Variants in RIN2 observed in about 807,000 individuals in gnomAD.
The protein encoded by RIN2 is RAB5 interacting protein 2.
A neutral mutation model predicts 78.0 loss-of-function variants in RIN2; 36 were observed. The ratio of observed to expected loss-of-function variants is 0.46; its 90% CI spans 0.35 to 0.61. The LOEUF is 0.61. RIN2 is among the 20% of genes least tolerant of loss of function. The probability of loss-of-function intolerance (pLI) is 0.00; values close to 1 mark genes in which losing one functional copy is unlikely to be tolerated. For synonymous variants in RIN2, 466 were observed against 466.8 expected, an observed-to-expected ratio of 1.00 and a Z score of 0.02; for missense variants, 1,087 against 1,159.7, an observed-to-expected ratio of 0.94 and a Z score of 0.91.
chr20:19,893,102 A>G (rs1178786810), intron 3 of RIN2, among the ~76,000 whole-genome samples: 1 of 152,186 alleles, frequency 6.6e-6, no homozygotes, highest in Non-Finnish European at 1.5e-5. Flanking sequence ...TTCATGGGAG[A>G]TGTAAAAGGA....
intron 3 of RIN2, among the ~76,000 whole-genome samples, chr20:19,900,977 A>G (rs1254314971): frequency 1.3e-5 from 2 of 149,590 alleles, no homozygotes; most frequent in South Asian, 4.2e-4. Context: ...AAAAAAAGAA[A>G]TGTACTTCTT....
chr20:19,955,056 C>T (rs2041478269), intron 4 of RIN2, among the ~76,000 whole-genome samples: 1 of 152,200 alleles, frequency 6.6e-6, no homozygotes, highest in Admixed American at 6.5e-5. Flanking sequence ...AATACCAGAA[C>T]ATTTCCATCA....
chr20:20,002,341 A>AT lies in RIN2; in HGVS notation c.*1405_*1406insT, dbSNP rs2146446897. The AT allele has an allele frequency of 6.6e-6, 1 of 152,632 alleles. No individual in the cohort carries two copies. The highest frequency in any genetic ancestry group is 1.9e-4 in the East Asian group (1 of 5,190). The allele number at this position is 152,632 out of a possible 1,614,324, so 9.5% of individuals were successfully genotyped here. On this transcript the variant is annotated 3_prime_UTR_variant, in exon 13 of 13. Coordinates refer to ENST00000255006, the MANE Select transcript of RIN2 (RefSeq NM_018993.4). ...TTAGCCTTGGCTTTTGTTGAACTAGAACCCTCAGCACATACTGTGTTGTAC... is the reference window on the plus strand; with the variant it reads ...TTAGCCTTGGCTTTTGTTGAACTAGATACCCTCAGCACATACTGTGTTGTAC...
At chr20:19,790,253 C>A (rs2034846488) in intron 1 of RIN2, among the ~76,000 whole-genome samples, 1 of 152,012 alleles carries the variant, frequency 6.6e-6, no homozygotes, top group Admixed American at 6.6e-5. Context: ...AATCATACAC[C>A]CACCGACACC....
At chr20:19,767,775 A>G (rs1317652104) in intron 1 of RIN2, among the ~76,000 whole-genome samples, 1 of 151,912 alleles carries the variant, frequency 6.6e-6, no homozygotes, top group African/African-American at 2.4e-5. Context: ...AAATACAAAA[A>G]TTAGCTGGGC....
chr20:19,758,941 G>T (rs2033507691), intron 1 of RIN2, among the ~76,000 whole-genome samples: 1 of 152,232 alleles, frequency 6.6e-6, no homozygotes, highest in African/African-American at 2.4e-5. Context: ...GGGCACTTGG[G>T]CTGTCGCGGT....
At chr20:19,809,108 A>G (rs1160623816) in intron 2 of RIN2, 1 of 152,382 alleles carries the variant, frequency 6.6e-6, no homozygotes, top group South Asian at 2.1e-4. Flanking sequence ...TGAAAAAAGC[A>G]TCAAAAAGGA....
intron 3 of RIN2, among the ~76,000 whole-genome samples, chr20:19,933,056 A>T (rs1169404861): frequency 1.3e-5 from 2 of 152,076 alleles, no homozygotes; most frequent in Non-Finnish European, 2.9e-5. Flanking sequence ...TTCTAGTTCC[A>T]CCACTACCAC....
At chr20:19,978,933 C>T (rs1332068407) in intron 9 of RIN2, among the ~76,000 whole-genome samples, 1 of 152,188 alleles carries the variant, frequency 6.6e-6, no homozygotes, top group African/African-American at 2.4e-5. Flanking sequence ...TTACTGATGA[C>T]CCATGCTATA....
At chr20:19,959,214 C>A (rs1342505729) in intron 5 of RIN2, among the ~76,000 whole-genome samples, 1 of 152,182 alleles carries the variant, frequency 6.6e-6, no homozygotes. Context: ...ATTTCGTCTG[C>A]AGGCCAGACT....
intron 2 of RIN2, among the ~76,000 whole-genome samples, chr20:19,815,585 A>C (rs530221616): frequency 6.6e-6 from 1 of 152,268 alleles, no homozygotes; most frequent in South Asian, 2.1e-4. Context: ...AGTTTCCCTG[A>C]CATGCTCGGT....
At chr20:19,877,523 A>G (rs1156449269) in intron 2 of RIN2, among the ~76,000 whole-genome samples, 3 of 152,320 alleles carry the variant, frequency 2.0e-5, no homozygotes, top group South Asian at 4.1e-4. Flanking sequence ...AGGAAGGAGC[A>G]CAAGAGCCAG....
chr20:19,863,541 G>C (rs2037408892), intron 2 of RIN2, among the ~76,000 whole-genome samples: 1 of 152,174 alleles, frequency 6.6e-6, no homozygotes, highest in Admixed American at 6.5e-5. Flanking sequence ...GCTTGTGTTT[G>C]ACACTGCTTA....
chr20:19,774,663 G>A (rs1487579970), intron 1 of RIN2, among the ~76,000 whole-genome samples: 1 of 152,198 alleles, frequency 6.6e-6, no homozygotes, highest in Non-Finnish European at 1.5e-5. Context: ...GTCAGGCACT[G>A]AACAGGCAGG....
intron 2 of RIN2, among the ~76,000 whole-genome samples, chr20:19,819,240 G>A (rs976005112): frequency 6.6e-6 from 1 of 152,194 alleles, no homozygotes; most frequent in African/African-American, 2.4e-5. Flanking sequence ...GCATGGTCAG[G>A]CTCTGATGAG....
chr20:19,919,087 G>A (rs1288046664), intron 3 of RIN2, among the ~76,000 whole-genome samples: 1 of 152,238 alleles, frequency 6.6e-6, no homozygotes, highest in Non-Finnish European at 1.5e-5. Flanking sequence ...TCCCCAGGAA[G>A]CTGAGGTGGA....
At chr20:19,762,866 C>A (rs924136247) in intron 1 of RIN2, among the ~76,000 whole-genome samples, 5 of 152,038 alleles carry the variant, frequency 3.3e-5, no homozygotes, top group African/African-American at 1.2e-4. Context: ...CGGAGTCAAG[C>A]GATTCTCCTG....
intron 2 of RIN2, among the ~76,000 whole-genome samples, chr20:19,866,119 G>A (rs1052796507): frequency 5.9e-5 from 9 of 152,092 alleles, no homozygotes; most frequent in Admixed American, 1.3e-4. Context: ...GGTCCCATCT[G>A]GGGGTGATGG....
intron 2 of RIN2, among the ~76,000 whole-genome samples, chr20:19,875,116 C>T (rs910588963): frequency 3.3e-5 from 5 of 151,890 alleles, no homozygotes; most frequent in African/African-American, 1.2e-4. Context: ...CCACCTCGGT[C>T]CCCCAAAGAG....
Sources: allele counts gnomAD v4.1 joint callset (sites outside exome capture counted in the v4.1 genomes callset), GRCh38; gene constraint gnomAD v4.1.1; transcripts MANE v1.5; gene names NCBI Gene and HGNC (gene_info 2026-07-23, HGNC 2026-07-21).